DCDC2: variants seen among roughly 807,000 people sequenced by gnomAD.
The protein encoded by DCDC2 is doublecortin domain-containing protein 2.
A neutral mutation model predicts 50.2 loss-of-function variants in DCDC2; 40 were observed. The observed-to-expected ratio is 0.80, with a 90% CI of 0.62 to 1.04. The LOEUF (loss-of-function observed/expected upper bound fraction) is 1.04, where lower values mean the gene tolerates loss of function less well. Ranked by LOEUF, DCDC2 falls within the 50% of genes least tolerant of loss-of-function variation. The probability of loss-of-function intolerance (pLI) is 0.00; values close to 1 mark genes in which losing one functional copy is unlikely to be tolerated. For missense variants in DCDC2, 570 were observed against 581.9 expected (o/e 0.98, Z 0.21); for synonymous variants, 234 against 210.6 (o/e 1.11, Z -0.96).
the DCDC2 span, among the ~76,000 whole-genome samples, chr6:24,372,335 C>T: frequency 6.6e-6 from 1 of 151,728 alleles, no homozygotes; most frequent in East Asian, 1.9e-4. Context: ...AGGAGAATGG[C>T]GTGAACCCGG....
At chr6:24,195,063 GT>G (rs1450745448) in intron 8 of DCDC2, among the ~76,000 whole-genome samples, 8 of 152,186 alleles carry the variant, frequency 5.3e-5, no homozygotes, top group African/African-American at 1.9e-4. Flanking sequence ...ACCCCTGTAT[GT>G]GCACACACAA....
chr6:24,193,805 T>C (rs561549059), intron 8 of DCDC2, among the ~76,000 whole-genome samples: 6 of 152,202 alleles, frequency 3.9e-5, no homozygotes, highest in African/African-American at 1.4e-4. Context: ...GGAAAAAATC[T>C]AAATAATCAT....
intron 7 of DCDC2, among the ~76,000 whole-genome samples, chr6:24,251,667 T>G (rs907526412): frequency 2.0e-5 from 3 of 152,234 alleles, no homozygotes; most frequent in Admixed American, 2.0e-4. Context: ...TGCCTCCCTG[T>G]GTCTCTATTT....
At chr6:24,325,176 A>T (rs1403299874) in intron 2 of DCDC2, among the ~76,000 whole-genome samples, 1 of 131,006 alleles carries the variant, frequency 7.6e-6, no homozygotes, top group Non-Finnish European at 1.7e-5. Context: ...TCCATCTAGG[A>T]GTGAGAGAGC....
chr6:24,212,666 G>T (rs1044531469), intron 7 of DCDC2, among the ~76,000 whole-genome samples: 1 of 152,182 alleles, frequency 6.6e-6, no homozygotes, highest in Non-Finnish European at 1.5e-5. Flanking sequence ...TTCAATGCTT[G>T]AATGCACACT....
chr6:24,343,233 G>C (rs1760195136), intron 2 of DCDC2, among the ~76,000 whole-genome samples: 1 of 151,750 alleles, frequency 6.6e-6, no homozygotes, highest in Non-Finnish European at 1.5e-5. Context: ...GTTTTTTTTA[G>C]TAGAGACGGG....
intron 2 of DCDC2, among the ~76,000 whole-genome samples, chr6:24,327,978 G>A (rs917086892): frequency 2.0e-5 from 3 of 152,190 alleles, no homozygotes; most frequent in African/African-American, 7.2e-5. Context: ...GAGATGGCAA[G>A]CACAAAGAAA....
At position 24,288,865 on chromosome 6, in the gene DCDC2, T is replaced by C. The variant is rs756157936; in HGVS notation, c.746A>G (p.Lys249Arg). 2 of 1,609,064 alleles carry C rather than the reference T, an allele frequency of 1.2e-6. No individual in the cohort carries two copies. The highest frequency in any genetic ancestry group is 2.7e-5 in the African/African-American group (2 of 74,654). ...TCTGATACTTACACTCCCTTTAGACTTTCTGGATCCTACAATAGGAGGTAG... is the reference window on the plus strand; with the variant it reads ...TCTGATACTTACACTCCCTTTAGACCTTCTGGATCCTACAATAGGAGGTAG... ...SSLPPIVGSR[K>R]SKGSGNDRHS... Residue 249 changes from lysine to arginine, a missense_variant, in exon 6 of 10, where the codon AAG becomes AGG. By Grantham distance (26) the Lys-to-Arg change is conservative. Coordinates refer to ENST00000378454, the MANE Select transcript of DCDC2 (RefSeq NM_016356.5).
intron 7 of DCDC2, among the ~76,000 whole-genome samples, chr6:24,228,609 A>G (rs893845974): frequency 6.6e-6 from 1 of 152,244 alleles, no homozygotes; most frequent in African/African-American, 2.4e-5. Context: ...TGTGAATTAC[A>G]GGAAATTCAT....
At chr6:24,268,433 G>A (rs1225541346) in intron 7 of DCDC2, among the ~76,000 whole-genome samples, 1 of 152,154 alleles carries the variant, frequency 6.6e-6, no homozygotes, top group Admixed American at 6.5e-5. Flanking sequence ...GTTGCAGTAA[G>A]CTGAGATCAG....
chr6:24,313,920 G>C (rs1234276958), intron 2 of DCDC2, among the ~76,000 whole-genome samples: 1 of 152,160 alleles, frequency 6.6e-6, no homozygotes, highest in African/African-American at 2.4e-5. Flanking sequence ...GACAGTAAAG[G>C]GGTAAAGGGA....
At chr6:24,227,661 T>C (rs983939835) in intron 7 of DCDC2, among the ~76,000 whole-genome samples, 5 of 152,260 alleles carry the variant, frequency 3.3e-5, no homozygotes, top group Non-Finnish European at 7.4e-5. Context: ...GGCAACTCTT[T>C]CCACACTAGC....
upstream of DCDC2, among the ~76,000 whole-genome samples, chr6:24,359,160 T>TTA (rs1760583105): frequency 1.5e-4 from 10 of 66,224 alleles, no homozygotes; most frequent in African/African-American, 5.3e-4. Flanking sequence ...TTTATATATT[T>TTA]TATATATTTT....
chr6:24,230,348 TA>T, intron 7 of DCDC2, among the ~76,000 whole-genome samples: 1 of 142,148 alleles, frequency 7.0e-6, no homozygotes, highest in South Asian at 2.1e-4. Flanking sequence ...AACCCTTAAA[TA>T]AAGACTCGAG....
chr6:24,370,439 G>A, the DCDC2 span, among the ~76,000 whole-genome samples: 9 of 152,200 alleles, frequency 5.9e-5, no homozygotes, highest in African/African-American at 2.2e-4. Context: ...CAGGCACAGT[G>A]GCTCATGCCT....
chr6:24,319,007 A>T (rs1339976535), intron 2 of DCDC2, among the ~76,000 whole-genome samples: 1 of 152,118 alleles, frequency 6.6e-6, no homozygotes, highest in African/African-American at 2.4e-5. Flanking sequence ...AGAAATCTCC[A>T]TTATTTTCCA....
At chr6:24,352,491 T>C (rs1168263359) in intron 2 of DCDC2, among the ~76,000 whole-genome samples, 4 of 152,208 alleles carry the variant, frequency 2.6e-5, no homozygotes, top group Non-Finnish European at 4.4e-5. Flanking sequence ...TCATGACTAA[T>C]CAATTTGATG....
At chr6:24,217,154 CAA>C (rs1226874848) in intron 7 of DCDC2, among the ~76,000 whole-genome samples, 1 of 151,756 alleles carries the variant, frequency 6.6e-6, no homozygotes, top group Non-Finnish European at 1.5e-5. Flanking sequence ...AAAAAATAGC[CAA>C]AGAGAAATCA....
the DCDC2 span, among the ~76,000 whole-genome samples, chr6:24,381,924 GAGAA>G: frequency 0.017 from 2,214 of 131,254 alleles, 54 homozygotes; most frequent in African/African-American, 0.053. Flanking sequence ...AAGAGAGAAA[GAGAA>G]AGAAAGAAAG....
Sources: gnomAD v4.1 joint callset for allele counts (sites outside exome capture counted in the v4.1 genomes callset) on GRCh38, gnomAD v4.1.1 for gene constraint, MANE v1.5 for transcripts, NCBI Gene and HGNC (gene_info 2026-07-23, HGNC 2026-07-21) for gene names.